TEX11: variants seen among roughly 807,000 people sequenced by gnomAD.
TEX11 encodes the protein testis expressed 11.
A neutral mutation model predicts 84.4 loss-of-function variants in TEX11; 7 were observed. The observed-to-expected ratio is 0.08, with a 90% CI of 0.05 to 0.16. The LOEUF is 0.16. Among genes scored for constraint, TEX11 ranks in the 10% least tolerant of loss-of-function variants. TEX11 has a pLI of 1.00. For synonymous variants in TEX11, 264 were observed against 222.8 expected, an observed-to-expected ratio of 1.18 and a Z score of -1.64; for missense variants, 551 against 660.5, an observed-to-expected ratio of 0.83 and a Z score of 1.82.
At chrX:70,756,320 T>C (rs1376961981) in intron 9 of TEX11, among the ~76,000 whole-genome samples, 1 of 111,545 alleles carries the variant, frequency 9.0e-6, no homozygotes, top group Non-Finnish European at 1.9e-5. Context: ...CTCAAGTGGG[T>C]CCCAGATCCC....
intron 9 of TEX11, among the ~76,000 whole-genome samples, chrX:70,794,242 G>T (rs973794197): frequency 1.8e-5 from 2 of 111,545 alleles, no homozygotes; most frequent in Non-Finnish European, 3.8e-5. Flanking sequence ...ACTCAGTGCC[G>T]CCCTTTCACA....
chrX:70,892,314 C>A (rs1202463823), intron 2 of TEX11, among the ~76,000 whole-genome samples: 1 of 111,578 alleles, frequency 9.0e-6, no homozygotes, highest in Non-Finnish European at 1.9e-5. Flanking sequence ...ATATAAAGAC[C>A]AACAACACTA....
At chrX:70,646,385 T>A (rs1391041579) in intron 17 of TEX11, among the ~76,000 whole-genome samples, 2 of 111,914 alleles carry the variant, frequency 1.8e-5, no homozygotes, top group Non-Finnish European at 3.8e-5. Context: ...TGGGATTACA[T>A]CAAACTAAAA....
At chrX:70,661,121 C>G (rs1395547440) in intron 16 of TEX11, among the ~76,000 whole-genome samples, 1 of 111,862 alleles carries the variant, frequency 8.9e-6, no homozygotes, top group Non-Finnish European at 1.9e-5. Flanking sequence ...AATTCCCTTT[C>G]CTAGCCAAGG....
chrX:70,558,267 A>G (rs1232614041), intron 25 of TEX11, among the ~76,000 whole-genome samples: 1 of 111,563 alleles, frequency 9.0e-6, no homozygotes, highest in Admixed American at 9.6e-5. Flanking sequence ...AAATAAAACA[A>G]TGTGTCTGTG....
chrX:70,693,241 CA>C (rs1372846462), intron 13 of TEX11, among the ~76,000 whole-genome samples: 15 of 104,748 alleles, frequency 1.4e-4, no homozygotes, highest in East Asian at 1.2e-3. Context: ...AACTCCATCT[CA>C]AAAAAAAAAA....
At chrX:70,519,508 G>A in the TEX11 span, among the ~76,000 whole-genome samples, 1 of 111,937 alleles carries the variant, frequency 8.9e-6, no homozygotes, top group Non-Finnish European at 1.9e-5. Context: ...GCTTCCCTTT[G>A]TGGGTCACCT....
At chrX:70,646,760 A>C (rs1384798142) in intron 17 of TEX11, among the ~76,000 whole-genome samples, 1 of 111,931 alleles carries the variant, frequency 8.9e-6, no homozygotes, top group Non-Finnish European at 1.9e-5. Context: ...AGAATAGGGA[A>C]CTCTTGCATA....
intron 28 of TEX11, among the ~76,000 whole-genome samples, chrX:70,548,348 A>T (rs943867185): frequency 9.1e-6 from 1 of 110,267 alleles, no homozygotes; most frequent in African/African-American, 3.3e-5. Flanking sequence ...CAGCACACCA[A>T]CATGGCACAT....
chrX:70,649,362 C>T (rs1024714280), intron 17 of TEX11, among the ~76,000 whole-genome samples: 2 of 112,050 alleles, frequency 1.8e-5, no homozygotes, highest in Non-Finnish European at 3.8e-5. Flanking sequence ...TATTTCTCTA[C>T]AGCCTCACCA....
chrX:70,629,812 A>G (rs1026050414), intron 17 of TEX11, 77 bp from the exon 18 acceptor site: 2 of 745,886 alleles, frequency 2.7e-6, no homozygotes, highest in African/African-American at 4.4e-5. Context: ...ATTATGCCAC[A>G]ATGAATTTGG....
intron 16 of TEX11, among the ~76,000 whole-genome samples, chrX:70,660,053 T>C (rs1460410395): frequency 8.9e-6 from 1 of 112,166 alleles, no homozygotes; most frequent in Non-Finnish European, 1.9e-5. Flanking sequence ...ATTTTAATGG[T>C]AAGTATTTAT....
At chrX:70,689,274 T>TTA (rs1189274539) in intron 13 of TEX11, among the ~76,000 whole-genome samples, 19 of 110,586 alleles carry the variant, frequency 1.7e-4, no homozygotes, top group South Asian at 7.7e-4. Context: ...ACCAAAATAT[T>TTA]TATATATATA....
intron 17 of TEX11, among the ~76,000 whole-genome samples, chrX:70,639,889 C>T (rs2089629596): frequency 8.9e-6 from 1 of 111,862 alleles, no homozygotes; most frequent in South Asian, 3.8e-4. Flanking sequence ...AATGCAGCCC[C>T]TCACCAGCAA....
Position 70,694,443 on chromosome X carries a change from A to G in TEX11, c.1005-11618T>C, listed in dbSNP as rs951243398. Among the ~76,000 whole-genome samples, 3 of 112,140 alleles carry G rather than the reference A, an allele frequency of 2.7e-5. No individual in the cohort carries two copies. In the Admixed American group the frequency reaches 2.8e-4, roughly 11 times the overall value. On this transcript the variant is annotated intron_variant, in intron 13 of 29. Transcript: ENST00000374333. ...ACAGGCATTTCACAAAAAGGGATAC[A>G]CACATGAAAAGCAAATGAAAAAAAT...
intron 16 of TEX11, among the ~76,000 whole-genome samples, chrX:70,661,866 G>A (rs1385139704): frequency 9.0e-6 from 1 of 111,719 alleles, no homozygotes; most frequent in Non-Finnish European, 1.9e-5. Flanking sequence ...AACCTCATCT[G>A]TACATTACCA....
chrX:70,908,413 G>A (rs1602229685), intron 1 of TEX11, among the ~76,000 whole-genome samples: 2 of 111,052 alleles, frequency 1.8e-5, no homozygotes, highest in African/African-American at 3.3e-5. Flanking sequence ...TACTATCTCC[G>A]GTTTTCAGTG....
chrX:70,737,638 C>A (rs1018041685), intron 11 of TEX11, among the ~76,000 whole-genome samples: 1 of 109,482 alleles, frequency 9.1e-6, no homozygotes, highest in East Asian at 2.8e-4. Context: ...TATTTCTCAA[C>A]AGAAACAACA....
intron 25 of TEX11, among the ~76,000 whole-genome samples, chrX:70,573,368 G>A (rs1274469316): frequency 2.7e-5 from 3 of 111,552 alleles, no homozygotes; most frequent in Non-Finnish European, 5.6e-5. Flanking sequence ...AGATACTTGG[G>A]TATCTCCAGC....
Sources: allele counts gnomAD v4.1 joint callset (sites outside exome capture counted in the v4.1 genomes callset), GRCh38; gene constraint gnomAD v4.1.1; transcripts MANE v1.5; gene names NCBI Gene and HGNC (gene_info 2026-07-23, HGNC 2026-07-21).